RBPMS2: variants seen among roughly 807,000 people sequenced by gnomAD.
RBPMS2 encodes the protein RNA binding protein, mRNA processing factor 2, also known as RNA-binding protein with multiple splicing 2.
A neutral mutation model predicts 25.7 loss-of-function variants in RBPMS2; 14 were observed. The observed-to-expected ratio is 0.55, with a 90% CI of 0.36 to 0.85. The LOEUF is 0.85. RBPMS2 is among the 40% of genes least tolerant of loss of function. The pLI, the probability that RBPMS2 is intolerant of heterozygous loss-of-function variation, is 0.01. For synonymous variants in RBPMS2, 127 were observed against 115.6 expected (o/e 1.10, Z -0.63); for missense variants, 252 against 283.4 (o/e 0.89, Z 0.80).
chr15:64,751,093 G>A (rs1174598719), intron 2 of RBPMS2, among the ~76,000 whole-genome samples: 2 of 152,056 alleles, frequency 1.3e-5, no homozygotes, highest in African/African-American at 4.8e-5. Flanking sequence ...CCAGCACTTT[G>A]GGAGGCCGGG....
intron 5 of RBPMS2, 114 bp downstream of exon 5, chr15:64,748,886 G>C: frequency 8.3e-7 from 1 of 1,206,060 alleles, no homozygotes; most frequent in South Asian, 1.5e-5. Context: ...TTTCAAAAAT[G>C]GGTGGCCGTG....
rs2083873611 is a variant in RBPMS2, at chr15:64,769,195, G to C, written c.87+6038C>G. Among the ~76,000 whole-genome samples, 5 of 150,958 alleles carry C rather than the reference G, an allele frequency of 3.3e-5. No individual in the cohort carries two copies. In the South Asian group the frequency reaches 1.0e-3, roughly 31 times the overall value. ...AAAAGAATTTAGGTCAGGTGCAGTG[G>C]CTCACATCTGCAATCCCAGCACTTT... On this transcript the variant is annotated intron_variant, in intron 1 of 7. Coordinates refer to ENST00000300069, the MANE Select transcript of RBPMS2 (RefSeq NM_194272.3).
intron 1 of RBPMS2, among the ~76,000 whole-genome samples, chr15:64,771,410 C>T (rs544039267): frequency 5.3e-5 from 8 of 152,302 alleles, no homozygotes; most frequent in Non-Finnish European, 1.0e-4. Flanking sequence ...AGGCCGGGCA[C>T]GGTGGCTCAC....
At chr15:64,772,057 AGTT>A (rs1281861769) in intron 1 of RBPMS2, among the ~76,000 whole-genome samples, 6 of 152,216 alleles carry the variant, frequency 3.9e-5, no homozygotes, top group Admixed American at 6.6e-5. Context: ...CTATGTAAAT[AGTT>A]GTTATATTTA....
intron 1 of RBPMS2, among the ~76,000 whole-genome samples, chr15:64,765,099 C>T (rs578139605): frequency 6.6e-5 from 10 of 151,518 alleles, no homozygotes; most frequent in East Asian, 3.9e-4. Flanking sequence ...TGGTGGCGTG[C>T]GCCTGTAATC....
At position 64,743,821 on chromosome 15, in the gene RBPMS2, A is replaced by G. The variant is rs2083587511; in HGVS notation, c.568-2579T>C. ...GATGAACCTACATAAGAATAAATAT[A>G]AGGCCAGGTGTGACAGCTCACGCCT... On this transcript the variant is annotated intron_variant, in intron 6 of 7. Transcript: ENST00000300069. Among the ~76,000 whole-genome samples the G allele has an allele frequency of 2.0e-5, 3 of 152,192 alleles. No homozygotes were observed. The South Asian group carries it at 6.2e-4, about 32-fold the overall frequency.
intron 2 of RBPMS2, among the ~76,000 whole-genome samples, chr15:64,750,716 G>A (rs1450788389): frequency 6.6e-6 from 1 of 152,160 alleles, no homozygotes; most frequent in Non-Finnish European, 1.5e-5. Context: ...GAATCTCAAA[G>A]ATTCTTTATA....
intron 1 of RBPMS2, among the ~76,000 whole-genome samples, chr15:64,755,116 CAG>C (rs1305361817): frequency 3.3e-5 from 5 of 152,276 alleles, no homozygotes; most frequent in African/African-American, 1.2e-4. Flanking sequence ...GTTCTCAGCA[CAG>C]AGTTTCCGCT....
chr15:64,759,797 G>T (rs1002125693), intron 1 of RBPMS2, among the ~76,000 whole-genome samples: 15 of 151,970 alleles, frequency 9.9e-5, no homozygotes, highest in Admixed American at 9.2e-4. Flanking sequence ...CTCAGCCTCC[G>T]GAGTAGCTAT....
rs950336196 is a variant in RBPMS2 at position 64,741,020 on chromosome 15, C to A, written c.*8-20G>T. On this transcript the variant is annotated intron_variant, in intron 7 of 7. Coordinates refer to ENST00000300069, the MANE Select transcript of RBPMS2 (RefSeq NM_194272.3). ...CCAGACCTGGAGGGAGGGAGAGAGG[C>A]GGCCGTGAGCAGAGGCGTGGGACTA... 4 of 581,718 alleles carry A rather than the reference C, an allele frequency of 6.9e-6. No individual in the cohort carries two copies. Among genetic ancestry groups the A allele is most frequent in the Non-Finnish European group, 1.2e-5 (4 of 325,746 alleles). The allele number at this position is 581,718 out of a possible 1,614,324, so 36.0% of individuals were successfully genotyped here.
intron 1 of RBPMS2, among the ~76,000 whole-genome samples, chr15:64,762,218 TG>T (rs1036842858): frequency 6.7e-6 from 1 of 150,288 alleles, no homozygotes; most frequent in African/African-American, 2.5e-5. Context: ...GGCAGGGGGG[TG>T]GGGGGTGGTC....
At chr15:64,771,688 C>T (rs887142565) in intron 1 of RBPMS2, among the ~76,000 whole-genome samples, 2 of 147,878 alleles carry the variant, frequency 1.4e-5, no homozygotes, top group African/African-American at 5.0e-5. Context: ...GGCTGGGCGC[C>T]GTGGCTCAGG....
intron 1 of RBPMS2, among the ~76,000 whole-genome samples, chr15:64,764,304 G>C (rs945936054): frequency 6.6e-6 from 1 of 152,172 alleles, no homozygotes; most frequent in African/African-American, 2.4e-5. Flanking sequence ...CTAGATTCAA[G>C]GCATTGGGCT....
At chr15:64,755,957 C>G (rs1199386809) in intron 1 of RBPMS2, among the ~76,000 whole-genome samples, 1 of 152,076 alleles carries the variant, frequency 6.6e-6, no homozygotes, top group Non-Finnish European at 1.5e-5. Context: ...GAGTCCTCAA[C>G]TACCCTTTCC....
chr15:64,747,688 A>G (rs1356975719), intron 6 of RBPMS2, among the ~76,000 whole-genome samples: 1 of 152,134 alleles, frequency 6.6e-6, no homozygotes, highest in African/African-American at 2.4e-5. Context: ...GCCAAGTCAG[A>G]CCAGAGGAAG....
At chr15:64,774,732 A>AGCGAGCCGGCCGGCCGGCCG (rs1555431928) in intron 1 of RBPMS2, among the ~76,000 whole-genome samples, 4 of 147,068 alleles carry the variant, frequency 2.7e-5, no homozygotes, top group South Asian at 2.1e-4. Flanking sequence ...GGAACCGAGG[A>AGCGAGCCGGCCGGCCGGCCG]GCCGGCCGGC....
At chr15:64,743,650 G>C (rs948131293) in intron 6 of RBPMS2, among the ~76,000 whole-genome samples, 1 of 152,144 alleles carries the variant, frequency 6.6e-6, no homozygotes. Context: ...AGGGGGGGGG[G>C]GGCTCCTGAG....
chr15:64,769,896 C>A (rs1021572078), intron 1 of RBPMS2, among the ~76,000 whole-genome samples: 1 of 151,838 alleles, frequency 6.6e-6, no homozygotes, highest in African/African-American at 2.4e-5. Context: ...ATTGCAGATA[C>A]CCGGCTGGGC....
chr15:64,751,478 T>C lies in RBPMS2; in HGVS notation c.165+83A>G, dbSNP rs191720575. 6.0e-3 allele frequency: 7,221 copies of C among 1,204,116 alleles called. 38 individuals carry two copies. The highest frequency in any genetic ancestry group is 7.5e-3 in the Non-Finnish European group (6,113 of 815,214). The allele number at this position is 1,204,116 out of a possible 1,614,324, so 74.6% of individuals were successfully genotyped here. A position where few individuals can be genotyped will look rare whatever the true frequency, so the allele number is the denominator to read the frequency against. On this transcript the variant is annotated intron_variant, in intron 2 of 7. Transcript: ENST00000300069. ...GCCACGCCTTCCCGCATCATCCTGC[T>C]GCCCTGCCCGACCCGAGATTCACTC...
Sources: allele counts gnomAD v4.1 joint callset (sites outside exome capture counted in the v4.1 genomes callset), GRCh38; gene constraint gnomAD v4.1.1; transcripts MANE v1.5; gene names NCBI Gene and HGNC (gene_info 2026-07-23, HGNC 2026-07-21).